The following DLGAP2 variants were observed in gnomAD, a reference collection of about 807,000 sequenced individuals.
The protein encoded by DLGAP2 is DLG associated protein 2.
DLGAP2 carries 26 observed loss-of-function variants against 100.3 expected under a neutral mutation model. The observed-to-expected ratio is 0.26, with a 90% CI of 0.19 to 0.36. The LOEUF (loss-of-function observed/expected upper bound fraction) is 0.36, where lower values mean the gene tolerates loss of function less well. Among genes scored for constraint, DLGAP2 ranks in the 10% least tolerant of loss-of-function variants. The probability of loss-of-function intolerance (pLI) is 1.00; values close to 1 mark genes in which losing one functional copy is unlikely to be tolerated. For synonymous variants in DLGAP2, 886 were observed against 630.1 expected, an observed-to-expected ratio of 1.41 and a Z score of -6.08; for missense variants, 1,858 against 1,453.2, an observed-to-expected ratio of 1.28 and a Z score of -4.53.
chr8:1,537,284 G>T (rs1206140979), intron 4 of DLGAP2, among the ~76,000 whole-genome samples: 1 of 152,160 alleles, frequency 6.6e-6, no homozygotes, highest in Non-Finnish European at 1.5e-5. Flanking sequence ...TGCATGTGTG[G>T]TTACACATGT....
chr8:1,487,053 C>T (rs966579871), intron 3 of DLGAP2, among the ~76,000 whole-genome samples: 1 of 152,174 alleles, frequency 6.6e-6, no homozygotes, highest in African/African-American at 2.4e-5. Flanking sequence ...AAAGCACAAT[C>T]GATCTAGAAT....
intron 2 of DLGAP2, among the ~76,000 whole-genome samples, chr8:1,004,771 C>T (rs113027405): frequency 1.1e-4 from 17 of 152,348 alleles, no homozygotes; most frequent in African/African-American, 2.6e-4. Flanking sequence ...GTCTTCACTG[C>T]GCTCTGCCCT....
At chr8:781,685 C>G (rs995039500) in intron 1 of DLGAP2, among the ~76,000 whole-genome samples, 2 of 152,130 alleles carry the variant, frequency 1.3e-5, no homozygotes, top group African/African-American at 2.4e-5. Flanking sequence ...ATTTAAATGA[C>G]TTGTTAAAGA....
intron 2 of DLGAP2, among the ~76,000 whole-genome samples, chr8:1,057,326 A>C (rs528932464): frequency 1.6e-4 from 24 of 152,370 alleles, no homozygotes; most frequent in African/African-American, 5.8e-4. Context: ...TTATTAAGAA[A>C]CAGGAGTTTT....
chr8:1,139,791 G>A (rs1796489585), intron 2 of DLGAP2, among the ~76,000 whole-genome samples: 1 of 152,128 alleles, frequency 6.6e-6, no homozygotes, highest in Non-Finnish European at 1.5e-5. Flanking sequence ...ACAGGTCCCA[G>A]GGGCTCTCTC....
chr8:1,007,459 G>A (rs1234159853), intron 2 of DLGAP2, among the ~76,000 whole-genome samples: 3 of 152,228 alleles, frequency 2.0e-5, no homozygotes, highest in East Asian at 1.9e-4. Context: ...CTTCAGGCAA[G>A]AGCAAGTCAG....
At chr8:1,533,168 C>G (rs1801039389) in intron 4 of DLGAP2, among the ~76,000 whole-genome samples, 1 of 151,586 alleles carries the variant, frequency 6.6e-6, no homozygotes, top group Non-Finnish European at 1.5e-5. Context: ...CGGCATAAAT[C>G]CATATTGATG....
intron 3 of DLGAP2, among the ~76,000 whole-genome samples, chr8:1,270,633 G>A (rs1052362066): frequency 6.6e-6 from 1 of 151,972 alleles, no homozygotes; most frequent in Non-Finnish European, 1.5e-5. Flanking sequence ...CGTTCTCCCA[G>A]TAAAATTTCC....
At chr8:1,433,430 C>T (rs1168474876) in intron 3 of DLGAP2, among the ~76,000 whole-genome samples, 2 of 152,218 alleles carry the variant, frequency 1.3e-5, no homozygotes, top group African/African-American at 4.8e-5. Context: ...ACCCGAACCA[C>T]GTGGTTTAGA....
At chr8:983,735 C>G (rs372863684) in intron 2 of DLGAP2, among the ~76,000 whole-genome samples, 6 of 152,278 alleles carry the variant, frequency 3.9e-5, no homozygotes, top group African/African-American at 1.4e-4. Flanking sequence ...TTCCACCTCC[C>G]AGGCTCAAGC....
In DLGAP2 at chr8:1,175,107, C is replaced by G. The variant is rs915365772; in HGVS notation, c.74-83744C>G. Among the ~76,000 whole-genome samples, 44 of 152,058 alleles carry G rather than the reference C, an allele frequency of 2.9e-4. No individual in the cohort carries two copies. The South Asian group carries it at 3.1e-3, about 11-fold the overall frequency. On this transcript the variant is annotated intron_variant, in intron 2 of 14. Transcript: ENST00000637795. Reference sequence around the variant, plus strand: ...GGATTCCCCTTCCCACACTTTTTTGCTACCTTCTGTCTTCAGATCTGGAAG... The same window carrying G: ...GGATTCCCCTTCCCACACTTTTTTGGTACCTTCTGTCTTCAGATCTGGAAG...
intron 3 of DLGAP2, among the ~76,000 whole-genome samples, chr8:1,264,593 G>T (rs552627813): frequency 2.5e-4 from 38 of 152,198 alleles, no homozygotes; most frequent in African/African-American, 8.7e-4. Flanking sequence ...TTATGATTCT[G>T]TCAGAACCTA....
intron 4 of DLGAP2, among the ~76,000 whole-genome samples, chr8:1,516,622 A>C (rs1800399310): frequency 6.6e-6 from 1 of 151,036 alleles, no homozygotes; most frequent in South Asian, 2.1e-4. Context: ...TGAATCAGGG[A>C]GGGAAGGAGT....
In DLGAP2 at chr8:1,565,727, TGAG is replaced by T; in HGVS notation, c.1279_1281del (p.Glu427del). 1 of 1,613,456 alleles carries T rather than the reference TGAG, an allele frequency of 6.2e-7. No individual in the cohort carries two copies. Among genetic ancestry groups the T allele is most frequent in the Non-Finnish European group, 8.5e-7 (1 of 1,179,736 alleles). On this transcript the variant is annotated inframe_deletion, in exon 6 of 15. Transcript: ENST00000637795. Reference sequence around the variant, plus strand: ...GAGGGTACCCCACCGGTGGCAAAGATGAGGAGATTCCCTGCAGGAGAATGAGAA... The same window carrying T: ...GAGGGTACCCCACCGGTGGCAAAGATGAGATTCCCTGCAGGAGAATGAGAA...
intron 3 of DLGAP2, among the ~76,000 whole-genome samples, chr8:1,484,865 C>G (rs1040510994): frequency 2.0e-5 from 3 of 152,324 alleles, no homozygotes; most frequent in Non-Finnish European, 4.4e-5. Context: ...CAGCAGAGAG[C>G]AGACCTGGTC....
At chr8:821,699 T>C (rs1199451308) in intron 1 of DLGAP2, among the ~76,000 whole-genome samples, 1 of 152,246 alleles carries the variant, frequency 6.6e-6, no homozygotes, top group Non-Finnish European at 1.5e-5. Flanking sequence ...ATTTCACAGA[T>C]AGCTATTTTT....
intron 1 of DLGAP2, among the ~76,000 whole-genome samples, chr8:814,552 A>G (rs889352877): frequency 6.6e-6 from 1 of 152,182 alleles, no homozygotes; most frequent in African/African-American, 2.4e-5. Flanking sequence ...GAACACCTGT[A>G]AAACAAGAAT....
intron 1 of DLGAP2, among the ~76,000 whole-genome samples, chr8:797,166 A>G (rs751689175): frequency 6.6e-5 from 10 of 152,286 alleles, no homozygotes; most frequent in Non-Finnish European, 1.5e-4. Context: ...ACCACCCAAG[A>G]AGAAGACGTC....
chr8:1,670,720 C>A (rs1416306883), intron 10 of DLGAP2, among the ~76,000 whole-genome samples: 1 of 152,152 alleles, frequency 6.6e-6, no homozygotes, highest in Non-Finnish European at 1.5e-5. Flanking sequence ...TGTGTGTTTT[C>A]TGTGCATCCT....
Sources: allele counts gnomAD v4.1 joint callset (sites outside exome capture counted in the v4.1 genomes callset), GRCh38; gene constraint gnomAD v4.1.1; transcripts MANE v1.5; gene names NCBI Gene and HGNC (gene_info 2026-07-23, HGNC 2026-07-21).